Variants in ZNF160 observed in about 807,000 individuals in gnomAD.
ZNF160 encodes zinc finger protein 160, also known as KRAB zinc finger protein KR18.
Under a neutral mutation model 13.1 loss-of-function variants are expected in ZNF160, and 9 were observed. The ratio of observed to expected loss-of-function variants is 0.69; its 90% CI spans 0.41 to 1.20. The LOEUF (loss-of-function observed/expected upper bound fraction) is 1.20, where lower values mean the gene tolerates loss of function less well. ZNF160 is among the 50% of genes most tolerant of loss of function. The pLI, the probability that ZNF160 is intolerant of heterozygous loss-of-function variation, is 0.01. For synonymous variants in ZNF160, 293 were observed against 333.2 expected, an observed-to-expected ratio of 0.88 and a Z score of 1.31; for missense variants, 838 against 988.0, an observed-to-expected ratio of 0.85 and a Z score of 2.04.
At chr19:53,085,520 G>A in intron 3 of ZNF160, 1 of 152,430 alleles carries the variant, frequency 6.6e-6, no homozygotes, top group East Asian at 1.9e-4. Flanking sequence ...ACTCATAACT[G>A]GTAAAACAAA....
chr19:53,092,454 G>A (rs1468399371), intron 1 of ZNF160, among the ~76,000 whole-genome samples: 1 of 152,098 alleles, frequency 6.6e-6, no homozygotes, highest in Admixed American at 6.5e-5. Flanking sequence ...GGGATTACAG[G>A]CACACGCCAC....
At chr19:53,082,648 C>CA in intron 3 of ZNF160, among the ~76,000 whole-genome samples, 1 of 152,304 alleles carries the variant, frequency 6.6e-6, no homozygotes, top group South Asian at 2.1e-4. Context: ...CCAGCCTGGA[C>CA]AACAGAGTAA....
chr19:53,072,037 A>G (rs2084196104), intron 5 of ZNF160, among the ~76,000 whole-genome samples: 1 of 152,108 alleles, frequency 6.6e-6, no homozygotes, highest in African/African-American at 2.4e-5. Context: ...ATAACTATCT[A>G]TATCCACACA....
At chr19:53,073,049 G>T in intron 5 of ZNF160, 1 of 676,220 alleles carries the variant, frequency 1.5e-6, no homozygotes, top group Non-Finnish European at 2.0e-6. Context: ...ATGGAAACAA[G>T]CCTATTACCA....
chr19:53,083,959 A>G (rs2084732653), intron 3 of ZNF160, among the ~76,000 whole-genome samples: 1 of 151,870 alleles, frequency 6.6e-6, no homozygotes, highest in Admixed American at 6.6e-5. Context: ...CCTGTTCCCT[A>G]CTTCCTACTT....
At chr19:53,086,385 C>A in intron 2 of ZNF160, 64 bp from the exon 3 acceptor site, 2 of 1,423,974 alleles carry the variant, frequency 1.4e-6, no homozygotes, top group Non-Finnish European at 1.9e-6. Context: ...CTGCTTAGGG[C>A]TGAGAATCTA....
chr19:53,072,054 A>ATAATTT (rs1000829609), intron 5 of ZNF160, among the ~76,000 whole-genome samples: 1 of 152,064 alleles, frequency 6.6e-6, no homozygotes. Flanking sequence ...CACAGAGCAG[A>ATAATTT]TAATTTTGCA....
At chr19:53,092,917 G>A (rs1026867578) in intron 1 of ZNF160, among the ~76,000 whole-genome samples, 5 of 152,258 alleles carry the variant, frequency 3.3e-5, no homozygotes, top group Admixed American at 1.3e-4. Flanking sequence ...TCTGTGTTAC[G>A]CAATATTGCT....
intron 1 of ZNF160, among the ~76,000 whole-genome samples, chr19:53,099,164 G>A (rs966849675): frequency 1.1e-4 from 16 of 152,160 alleles, no homozygotes; most frequent in African/African-American, 3.6e-4. Context: ...CGGAGACAGT[G>A]AAACCTGAGT....
At chr19:53,084,451 G>A (rs1044949006) in intron 3 of ZNF160, among the ~76,000 whole-genome samples, 4 of 152,132 alleles carry the variant, frequency 2.6e-5, no homozygotes, top group Non-Finnish European at 4.4e-5. Flanking sequence ...TGCAAGCAGC[G>A]AGCAACTGAA....
At chr19:53,088,213 G>A (rs974232494) in intron 2 of ZNF160, among the ~76,000 whole-genome samples, 17 of 152,124 alleles carry the variant, frequency 1.1e-4, no homozygotes, top group Non-Finnish European at 1.9e-4. Context: ...AGAAGAGGAA[G>A]TGATCAGCTG....
chr19:53,085,890 G>T (rs890026158), intron 3 of ZNF160: 2 of 694,050 alleles, frequency 2.9e-6, no homozygotes, highest in African/African-American at 1.8e-5. Context: ...GAGCAGGTAC[G>T]TGTGCACCTG....
At chr19:53,075,481 T>C (rs562602737) in intron 3 of ZNF160, 12 of 366,502 alleles carry the variant, frequency 3.3e-5, no homozygotes, top group South Asian at 2.7e-4. Flanking sequence ...GCTCGGTGGG[T>C]GGTCACTGGA....
intron 1 of ZNF160, among the ~76,000 whole-genome samples, chr19:53,098,153 C>T (rs1441607891): frequency 6.6e-6 from 1 of 152,182 alleles, no homozygotes; most frequent in African/African-American, 2.4e-5. Flanking sequence ...CACCCCAAAA[C>T]CCACTTCCAG....
rs770050998 is a variant in ZNF160, at chr19:53,075,130, T to C, written c.69A>G (p.Lys23=). Residue 23 remains lysine (K), a synonymous_variant, in exon 4 of 6, where the codon AAA becomes AAG. Transcript: ENST00000683776. ...AGATCCTCTGAGCAGGGTCCAGGCA[T>C]TTCCACTCCTCCTGAGAGAATTCTA... ...VAIEFSQEEW[K]CLDPAQRILY... 1 of 1,614,048 alleles carries C rather than the reference T, an allele frequency of 6.2e-7. No individual in the cohort carries two copies. The highest frequency in any genetic ancestry group is 1.3e-5 in the African/African-American group (1 of 74,926).
chr19:53,081,245 T>C (rs1175438820), intron 3 of ZNF160, among the ~76,000 whole-genome samples: 1 of 151,992 alleles, frequency 6.6e-6, no homozygotes, highest in Non-Finnish European at 1.5e-5. Flanking sequence ...TCATAATAAA[T>C]GCAGCAAAAT....
At chr19:53,095,097 C>A (rs12981470) in intron 1 of ZNF160, among the ~76,000 whole-genome samples, 1 of 128,590 alleles carries the variant, frequency 7.8e-6, no homozygotes, top group Non-Finnish European at 1.7e-5. Context: ...ACCCTCCCAC[C>A]CCACCCTCTT....
intron 3 of ZNF160, among the ~76,000 whole-genome samples, chr19:53,081,212 A>AAT (rs1212896057): frequency 6.6e-6 from 1 of 152,180 alleles, no homozygotes; most frequent in African/African-American, 2.4e-5. Flanking sequence ...AAATGCAGCA[A>AAT]ATAAAAGGAA....
intron 1 of ZNF160, among the ~76,000 whole-genome samples, chr19:53,097,868 G>A (rs1219235496): frequency 2.6e-5 from 4 of 152,106 alleles, no homozygotes; most frequent in Non-Finnish European, 4.4e-5. Context: ...CCCGTGGAGC[G>A]GATGCTGTGG....
Sources: allele counts gnomAD v4.1 joint callset (sites outside exome capture counted in the v4.1 genomes callset), GRCh38; gene constraint gnomAD v4.1.1; transcripts MANE v1.5; gene names NCBI Gene and HGNC (gene_info 2026-07-23, HGNC 2026-07-21).